The following CAST variants were observed in gnomAD, a reference collection of about 807,000 sequenced individuals.
CAST encodes MIR583 host.
A neutral mutation model predicts 119.6 loss-of-function variants in CAST; 76 were observed. The ratio of observed to expected loss-of-function variants is 0.64; its 90% confidence interval spans 0.53 to 0.77. The LOEUF is 0.77. Among genes scored for constraint, CAST ranks in the 30% least tolerant of loss-of-function variants. The pLI is 0.00. For missense variants in CAST, 953 were observed against 946.5 expected (o/e 1.01, Z -0.09); for synonymous variants, 319 against 331.6 (o/e 0.96, Z 0.41).
chr5:96,663,015 T>C (rs1289487316), intron 1 of CAST: 1 of 684,162 alleles, frequency 1.5e-6, no homozygotes, highest in Non-Finnish European at 2.7e-6. Flanking sequence ...CCTTGGGATG[T>C]GCGGAGCTCA....
chr5:96,527,443 T>C (rs1313977562), upstream of CAST, among the ~76,000 whole-genome samples: 1 of 152,130 alleles, frequency 6.6e-6, no homozygotes, highest in Non-Finnish European at 1.5e-5. Context: ...CACCCTCTGA[T>C]CTCAAAGGTC....
At chr5:96,354,805 C>A in the CAST span, among the ~76,000 whole-genome samples, 1 of 150,434 alleles carries the variant, frequency 6.6e-6, no homozygotes, top group African/African-American at 2.4e-5. Flanking sequence ...TAAATGTTAA[C>A]TTCCCACTGT....
the CAST span, among the ~76,000 whole-genome samples, chr5:96,323,401 TTTC>T: frequency 6.6e-6 from 1 of 152,338 alleles, no homozygotes; most frequent in East Asian, 1.9e-4. Context: ...CTTTATGTTG[TTTC>T]TTATGACAAG....
At chr5:96,497,387 T>G in the CAST span, among the ~76,000 whole-genome samples, 6 of 152,158 alleles carry the variant, frequency 3.9e-5, no homozygotes, top group Admixed American at 2.0e-4. Context: ...GTAATGGGAT[T>G]GCTGAGTCAA....
At chr5:96,106,958 A>T in the CAST span, among the ~76,000 whole-genome samples, 2 of 141,958 alleles carry the variant, frequency 1.4e-5, no homozygotes, top group East Asian at 4.1e-4. Context: ...TGTTGAATTG[A>T]TCCCTTTACC....
At chr5:96,465,960 T>G in the CAST span, among the ~76,000 whole-genome samples, 1 of 152,088 alleles carries the variant, frequency 6.6e-6, no homozygotes, top group Non-Finnish European at 1.5e-5. Flanking sequence ...AACTGATACC[T>G]CCAATTCCAA....
the CAST span, among the ~76,000 whole-genome samples, chr5:96,455,678 A>G: frequency 6.6e-6 from 1 of 152,118 alleles, no homozygotes; most frequent in Non-Finnish European, 1.5e-5. Context: ...CCGTTCCCTC[A>G]GCTCCCAACC....
the CAST span, among the ~76,000 whole-genome samples, chr5:96,364,243 T>C: frequency 1.3e-5 from 2 of 152,336 alleles, no homozygotes; most frequent in East Asian, 1.9e-4. Context: ...GGCAGTATTT[T>C]ATTGAGGATT....
At chr5:96,224,813 C>T in the CAST span, among the ~76,000 whole-genome samples, 2 of 152,154 alleles carry the variant, frequency 1.3e-5, no homozygotes, top group Non-Finnish European at 2.9e-5. Context: ...CCAGCAGCTC[C>T]CCTCTAGACT....
the CAST span, among the ~76,000 whole-genome samples, chr5:96,037,182 T>G: frequency 6.6e-6 from 1 of 152,130 alleles, no homozygotes; most frequent in Non-Finnish European, 1.5e-5. Context: ...TGTGGTAGAA[T>G]GGAGACCTGT....
intron 1 of CAST, among the ~76,000 whole-genome samples, chr5:96,561,554 G>A (rs1169819702): frequency 6.6e-6 from 1 of 151,442 alleles, no homozygotes; most frequent in East Asian, 2.0e-4. Flanking sequence ...CACACACCGG[G>A]GCCTGTTGGG....
intron 1 of CAST, among the ~76,000 whole-genome samples, chr5:96,572,187 G>C (rs539320590): frequency 6.7e-6 from 1 of 149,550 alleles, no homozygotes; most frequent in African/African-American, 2.5e-5. Flanking sequence ...GGCTCTTTCC[G>C]ATGACACAAT....
chr5:96,622,322 G>C (rs1369186034), intron 1 of CAST, among the ~76,000 whole-genome samples: 1 of 152,182 alleles, frequency 6.6e-6, no homozygotes, highest in African/African-American at 2.4e-5. Flanking sequence ...ACTTAGGTTT[G>C]TGTCTCATTG....
At chr5:95,990,523 ACAGTCC>A in the CAST span, among the ~76,000 whole-genome samples, 1 of 152,088 alleles carries the variant, frequency 6.6e-6, no homozygotes, top group African/African-American at 2.4e-5. Context: ...GGAAACATCT[ACAGTCC>A]CACCAGTCAC....
the CAST span, among the ~76,000 whole-genome samples, chr5:96,409,246 C>T: frequency 7.2e-4 from 109 of 152,180 alleles, 1 homozygote; most frequent in African/African-American, 2.6e-3. Context: ...GCTCCAGCAC[C>T]GAAGTTCTAG....
the CAST span, among the ~76,000 whole-genome samples, chr5:96,406,942 G>A: frequency 6.6e-6 from 1 of 152,120 alleles, no homozygotes; most frequent in Non-Finnish European, 1.5e-5. Context: ...GTGTGAGACA[G>A]TTCAATTTTT....
At chr5:96,390,365 G>A in the CAST span, 1 of 152,002 alleles carries the variant, frequency 6.6e-6, no homozygotes, top group East Asian at 1.9e-4. Flanking sequence ...TTTTTCTTTT[G>A]ACTTAGTGAG....
the CAST span, among the ~76,000 whole-genome samples, chr5:96,076,649 A>C: frequency 6.6e-6 from 1 of 152,224 alleles, no homozygotes; most frequent in Non-Finnish European, 1.5e-5. Flanking sequence ...CTGTAGTTGA[A>C]AGCATTTGCC....
chr5:96,537,382 C>G (rs183961661), intron 1 of CAST, among the ~76,000 whole-genome samples: 1 of 152,330 alleles, frequency 6.6e-6, no homozygotes, highest in Admixed American at 6.5e-5. Context: ...CTCCTGCCCC[C>G]ATTTAAGCTT....
Sources: allele counts gnomAD v4.1 joint callset (sites outside exome capture counted in the v4.1 genomes callset), GRCh38; gene constraint gnomAD v4.1.1; transcripts MANE v1.5; gene names NCBI Gene and HGNC (gene_info 2026-07-23, HGNC 2026-07-21).